Variants in DGKI observed in about 807,000 individuals in gnomAD.
The protein encoded by DGKI is diacylglycerol kinase iota.
DGKI carries 55 observed loss-of-function variants against 147.5 expected under a neutral mutation model. The observed-to-expected ratio is 0.37, with a 90% CI of 0.30 to 0.47. DGKI has a LOEUF of 0.47. Ranked by LOEUF, DGKI falls within the 20% of genes least tolerant of loss-of-function variation. DGKI has a pLI of 1.00. For missense variants in DGKI, 1,007 were observed against 1,323.8 expected, an observed-to-expected ratio of 0.76 and a Z score of 3.71; for synonymous variants, 469 against 477.1, an observed-to-expected ratio of 0.98 and a Z score of 0.22.
chr7:137,539,435 G>A (rs1199174566), intron 20 of DGKI, among the ~76,000 whole-genome samples: 3 of 152,050 alleles, frequency 2.0e-5, no homozygotes, highest in African/African-American at 7.2e-5. Flanking sequence ...TTATCTCTAG[G>A]CTGTAAATAC....
intron 28 of DGKI, among the ~76,000 whole-genome samples, chr7:137,443,020 G>A (rs1813571240): frequency 6.6e-6 from 1 of 152,160 alleles, no homozygotes; most frequent in Non-Finnish European, 1.5e-5. Context: ...GAACAGTATG[G>A]AGAAAAGCAG....
Position 137,572,800 on chromosome 7 carries a change from C to G in DGKI, c.1800G>C (p.Leu600=). 1.9e-6 allele frequency: 3 copies of G among 1,612,312 alleles called. No individual in the cohort carries two copies. Among genetic ancestry groups the G allele is most frequent in the Non-Finnish European group, 2.5e-6 (3 of 1,179,380 alleles). ...TTAAAAATACTATACACTGGAACTT[C>G]AGTTCCTGAATCTTTGGGGTGAGAT... ...GTDLTPKIQE[L]KFQCIVFLNI... Residue 600 remains leucine, a synonymous_variant, in exon 18 of 33, where the codon CTG becomes CTC. Coordinates refer to ENST00000614521, the MANE Select transcript of DGKI (RefSeq NM_001321708.2).
intron 1 of DGKI, among the ~76,000 whole-genome samples, chr7:137,693,725 C>CTTT (rs1823687989): frequency 6.6e-6 from 1 of 152,182 alleles, no homozygotes; most frequent in Non-Finnish European, 1.5e-5. Flanking sequence ...AAACAGCTTG[C>CTTT]TGATTAGATC....
chr7:137,605,251 T>C (rs1468440453), intron 10 of DGKI, among the ~76,000 whole-genome samples: 1 of 151,382 alleles, frequency 6.6e-6, no homozygotes, highest in Non-Finnish European at 1.5e-5. Context: ...GAGGTTGCAG[T>C]GAGCTGAGAT....
chr7:137,725,152 C>T (rs577544131), intron 1 of DGKI, among the ~76,000 whole-genome samples: 10 of 152,114 alleles, frequency 6.6e-5, no homozygotes, highest in African/African-American at 2.2e-4. Flanking sequence ...TCTTTAATAC[C>T]ACTCCCTCCC....
intron 1 of DGKI, among the ~76,000 whole-genome samples, chr7:137,721,625 T>G (rs988084010): frequency 2.6e-5 from 4 of 152,194 alleles, no homozygotes; most frequent in Non-Finnish European, 4.4e-5. Context: ...GGGTCACCAA[T>G]GTGACTGCTT....
intron 1 of DGKI, among the ~76,000 whole-genome samples, chr7:137,713,321 A>G (rs939974862): frequency 2.6e-5 from 4 of 152,176 alleles, no homozygotes; most frequent in Non-Finnish European, 5.9e-5. Context: ...GGGATGTAAC[A>G]TTTGTGATTT....
chr7:137,382,879 G>A lies in DGKI; in HGVS notation c.*8341C>T, dbSNP rs1811092119. ...CCTCACCCAGTCAACCTGAAATCTAGGAACTCAAGCTGTATTACAGAATTA... is the reference window on the plus strand; with the variant it reads ...CCTCACCCAGTCAACCTGAAATCTAAGAACTCAAGCTGTATTACAGAATTA... On this transcript the variant is annotated 3_prime_UTR_variant, in exon 33 of 33. Coordinates refer to ENST00000614521, the MANE Select transcript of DGKI (RefSeq NM_001321708.2). The A allele has an allele frequency of 6.6e-6, 1 of 151,878 alleles. No individual in the cohort carries two copies. The highest frequency in any genetic ancestry group is 1.5e-5 in the Non-Finnish European group (1 of 67,916). The allele number at this position is 151,878 out of a possible 1,614,324, so 9.4% of individuals were successfully genotyped here.
Position 137,577,266 on chromosome 7 carries a change from G to C in DGKI, c.1717C>G (p.Leu573Val). The C allele has an allele frequency of 6.2e-7, 1 of 1,600,724 alleles. No individual in the cohort carries two copies. Among genetic ancestry groups the C allele is most frequent in the Non-Finnish European group, 8.5e-7 (1 of 1,171,314 alleles). ...GATAGATCTCTAGAACTTCTCTGTA[G>C]GAAGTCAGAAAAAGCTGCCTATACC... ...FYAGAAFSDF[L>V]QRSSRDLSKH... Residue 573 changes from leucine (L) to valine (V), a missense_variant, in exon 17 of 33, where the codon CTA (leucine) becomes GTA (valine). Around this residue, in one of 5 missense-constraint regions of DGKI, gnomAD observed 224 missense variants for 382.7 expected, o/e 0.59. Transcript: ENST00000614521.
chr7:137,439,172 A>T (rs1345873405), intron 28 of DGKI, among the ~76,000 whole-genome samples: 1 of 152,218 alleles, frequency 6.6e-6, no homozygotes, highest in Non-Finnish European at 1.5e-5. Flanking sequence ...CATTTTATAT[A>T]TTTTATGAAT....
intron 1 of DGKI, among the ~76,000 whole-genome samples, chr7:137,704,648 T>C (rs1221348749): frequency 6.6e-6 from 1 of 152,104 alleles, no homozygotes; most frequent in Non-Finnish European, 1.5e-5. Context: ...AAGAAAAATA[T>C]TAATCTATAC....
At chr7:137,664,789 C>T (rs1026679879) in intron 3 of DGKI, among the ~76,000 whole-genome samples, 6 of 151,954 alleles carry the variant, frequency 3.9e-5, no homozygotes, top group Admixed American at 3.9e-4. Flanking sequence ...CTGTGAGAGA[C>T]AGACAACAAA....
chr7:137,612,221 C>CTTTTT (rs551204704), intron 8 of DGKI, among the ~76,000 whole-genome samples: 8 of 113,958 alleles, frequency 7.0e-5, no homozygotes, highest in South Asian at 2.9e-4. Context: ...ACAAAACGGG[C>CTTTTT]TTTTTTTTTT....
intron 1 of DGKI, among the ~76,000 whole-genome samples, chr7:137,728,387 T>G (rs1191161282): frequency 6.6e-6 from 1 of 152,128 alleles, no homozygotes; most frequent in East Asian, 1.9e-4. Context: ...AAATCCAGAA[T>G]GCTGGTTTAA....
At chr7:137,537,109 G>T (rs990293844) in intron 20 of DGKI, among the ~76,000 whole-genome samples, 4 of 152,114 alleles carry the variant, frequency 2.6e-5, no homozygotes, top group Non-Finnish European at 1.5e-5. Flanking sequence ...ATGACATGAT[G>T]GTATGACTGA....
At chr7:137,518,445 C>T (rs973089289) in intron 21 of DGKI, among the ~76,000 whole-genome samples, 6 of 152,150 alleles carry the variant, frequency 3.9e-5, no homozygotes, top group Admixed American at 6.6e-5. Context: ...GGATTTTACC[C>T]TATTTATTGA....
chr7:137,385,905 T>C lies in DGKI; in HGVS notation c.*5315A>G, dbSNP rs1223495200. ...ATTGGAATTTGTCTTTTCTTCTAGATGCCAGCTTCATGAAATCAAGAGTTT... is the reference window on the plus strand; with the variant it reads ...ATTGGAATTTGTCTTTTCTTCTAGACGCCAGCTTCATGAAATCAAGAGTTT... On this transcript the variant is annotated 3_prime_UTR_variant, in exon 33 of 33. Transcript: ENST00000614521. 6.6e-6 allele frequency: 1 copy of C among 152,152 alleles called. No individual in the cohort carries two copies. 9.4% of individuals were successfully genotyped at this position (152,152 alleles called of 1,614,324 possible).
intron 19 of DGKI, among the ~76,000 whole-genome samples, chr7:137,562,393 G>GGT (rs1818447791): frequency 1.3e-5 from 2 of 152,056 alleles, no homozygotes; most frequent in Non-Finnish European, 2.9e-5. Flanking sequence ...AAAATTAGCC[G>GGT]GCCCTTGTGG....
intron 30 of DGKI, among the ~76,000 whole-genome samples, chr7:137,398,485 C>A (rs1391987711): frequency 1.3e-5 from 2 of 152,146 alleles, no homozygotes; most frequent in African/African-American, 4.8e-5. Context: ...AAGTGCCAAA[C>A]ACAGTTCAAG....
Sources: gnomAD v4.1 joint callset for allele counts (sites outside exome capture counted in the v4.1 genomes callset) on GRCh38, gnomAD v4.1.1 for gene constraint, gnomAD v4.1.1 regional missense constraint, MANE v1.5 for transcripts, NCBI Gene and HGNC (gene_info 2026-07-23, HGNC 2026-07-21) for gene names.